FRMD4B: variants seen among roughly 807,000 people sequenced by gnomAD.
FRMD4B encodes the protein FERM domain containing 4B.
Under a neutral mutation model 141.5 loss-of-function variants are expected in FRMD4B, and 74 were observed. That is an observed-to-expected ratio of 0.52 (90% CI 0.43 to 0.63). The LOEUF is 0.63. Among genes scored for constraint, FRMD4B ranks in the 30% least tolerant of loss-of-function variants. The probability of loss-of-function intolerance (pLI) is 0.00; values close to 1 mark genes in which losing one functional copy is unlikely to be tolerated. For synonymous variants in FRMD4B, 506 were observed against 467.9 expected, an observed-to-expected ratio of 1.08 and a Z score of -1.05; for missense variants, 1,366 against 1,253.4, an observed-to-expected ratio of 1.09 and a Z score of -1.36.
At chr3:69,455,489 C>CGCGA (rs1471216850) in intron 1 of FRMD4B, among the ~76,000 whole-genome samples, 1 of 152,180 alleles carries the variant, frequency 6.6e-6, no homozygotes, top group Non-Finnish European at 1.5e-5. Flanking sequence ...GTAAGGCTCA[C>CGCGA]CGTGAAGGTC....
At chr3:69,362,235 A>G (rs1703490931) in intron 1 of FRMD4B, among the ~76,000 whole-genome samples, 1 of 152,156 alleles carries the variant, frequency 6.6e-6, no homozygotes, top group Admixed American at 6.6e-5. Flanking sequence ...TATTATCTCC[A>G]TTTTACAGAT....
chr3:69,245,347 G>GTTTT (rs1488467550), intron 7 of FRMD4B, among the ~76,000 whole-genome samples: 3 of 150,786 alleles, frequency 2.0e-5, no homozygotes, highest in African/African-American at 7.4e-5. Flanking sequence ...GTGTGTGTGT[G>GTTTT]TGTGTGTTTT....
chr3:69,347,708 T>C (rs1478298179), intron 1 of FRMD4B, among the ~76,000 whole-genome samples: 5 of 152,314 alleles, frequency 3.3e-5, no homozygotes, highest in Non-Finnish European at 7.3e-5. Flanking sequence ...ATATGGAAAC[T>C]GAACAACCTG....
chr3:69,203,452 T>C (rs2092992403), intron 11 of FRMD4B, among the ~76,000 whole-genome samples: 1 of 152,164 alleles, frequency 6.6e-6, no homozygotes, highest in Non-Finnish European at 1.5e-5. Flanking sequence ...CATTTATCCA[T>C]TTCTTTTCCA....
At chr3:69,433,014 C>T (rs968881942) in intron 1 of FRMD4B, 47 of 152,184 alleles carry the variant, frequency 3.1e-4, no homozygotes, top group African/African-American at 1.1e-3. Flanking sequence ...GGATGCATGT[C>T]ACTGAATACA....
At chr3:69,251,964 C>T (rs1332439524) in intron 5 of FRMD4B, among the ~76,000 whole-genome samples, 1 of 152,094 alleles carries the variant, frequency 6.6e-6, no homozygotes, top group African/African-American at 2.4e-5. Flanking sequence ...GGCAGGAACT[C>T]AAAGTTAAAG....
At chr3:69,413,739 C>A (rs6795689) in intron 2 of FRMD4B, among the ~76,000 whole-genome samples, 46,166 of 151,950 alleles carry the variant, frequency 0.3, 7,256 homozygotes, top group East Asian at 0.44. Context: ...ATTCACCACA[C>A]GTCCAAAAGA....
rs58551547 is a variant in FRMD4B at position 69,232,914 on chromosome 3, GTTTTTT to G, written c.582-8230_582-8225del. Among the ~76,000 whole-genome samples, 9 of 128,804 alleles carry G rather than the reference GTTTTTT, an allele frequency of 7.0e-5. No homozygotes were observed. The East Asian group carries it at 1.5e-3, about 21-fold the overall frequency. 84.5% of individuals were successfully genotyped at this position (128,804 alleles called of 152,430 possible). A position where few individuals can be genotyped will look rare whatever the true frequency, so the allele number is the denominator to read the frequency against. ...GTTGCAAATTTCACTTTTGTTGTTTGTTTTTTTTTTTTTTTTTGGTAGGGATGAGGT... is the reference window on the plus strand; with the variant it reads ...GTTGCAAATTTCACTTTTGTTGTTTGTTTTTTTTTTTGGTAGGGATGAGGT... On this transcript the variant is annotated intron_variant, in intron 7 of 22. Transcript: ENST00000398540.
At chr3:69,421,180 A>G (rs889959370) in intron 2 of FRMD4B, among the ~76,000 whole-genome samples, 1 of 152,226 alleles carries the variant, frequency 6.6e-6, no homozygotes, top group African/African-American at 2.4e-5. Flanking sequence ...CCACCCTCAC[A>G]CAGCCCCAGA....
In FRMD4B at chr3:69,423,398, T is replaced by A. The variant is rs923359703; in HGVS notation, c.-1+9236A>T. On this transcript the variant is annotated intron_variant, in intron 2 of 5. Transcript: ENST00000459638. ...GTCACCCAATGCTCCTGTTCTCAGCTGAGATATAACAAAATAAAGCGCTGC... is the reference window on the plus strand; with the variant it reads ...GTCACCCAATGCTCCTGTTCTCAGCAGAGATATAACAAAATAAAGCGCTGC... Among the ~76,000 whole-genome samples, 3 of 152,308 alleles carry A rather than the reference T, an allele frequency of 2.0e-5. No individual in the cohort carries two copies. The East Asian group carries it at 5.8e-4, about 29-fold the overall frequency.
intron 2 of FRMD4B, among the ~76,000 whole-genome samples, chr3:69,426,510 G>A (rs779041898): frequency 1.3e-5 from 2 of 152,182 alleles, no homozygotes; most frequent in Non-Finnish European, 2.9e-5. Context: ...GAAGTATTGT[G>A]AGACCCGTTC....
rs2092719785 is a variant in FRMD4B, at chr3:69,182,628, G to T, written c.2009C>A (p.Thr670Asn). 2.5e-6 allele frequency: 4 copies of T among 1,613,312 alleles called. No homozygotes were observed. Among genetic ancestry groups the T allele is most frequent in the Non-Finnish European group, 3.4e-6 (4 of 1,179,712 alleles). The part of the protein sequence containing the change: ...GRSMPTTPVL[T>N]RNAYSSSHLE... ...GTGGCTGCTGCTGTAGGCGTTTCGG[G>T]TAAGAACTGGCGTGGTGGGCATGCT... The change falls in exon 20 of 23, where the codon ACC becomes AAC. Residue 670 changes from threonine (T) to asparagine (N), a missense_variant. Coordinates refer to ENST00000398540, the MANE Select transcript of FRMD4B (RefSeq NM_015123.3).
At chr3:69,231,927 G>A (rs1344360521) in intron 7 of FRMD4B, among the ~76,000 whole-genome samples, 2 of 152,172 alleles carry the variant, frequency 1.3e-5, no homozygotes, top group South Asian at 2.1e-4. Context: ...TCACCCTCCC[G>A]GGGAATCTGT....
At chr3:69,328,950 C>T (rs1308542907) in intron 1 of FRMD4B, among the ~76,000 whole-genome samples, 1 of 152,058 alleles carries the variant, frequency 6.6e-6, no homozygotes, top group East Asian at 1.9e-4. Flanking sequence ...ATGGAGTGGC[C>T]ATTCTTTTGT....
At chr3:69,262,755 C>T (rs192802696) in intron 5 of FRMD4B, among the ~76,000 whole-genome samples, 358 of 151,318 alleles carry the variant, frequency 2.4e-3, no homozygotes, top group Non-Finnish European at 4.3e-3. Context: ...CCACCGCGCC[C>T]GGTCCACAAA....
upstream of FRMD4B, among the ~76,000 whole-genome samples, chr3:69,390,057 G>C (rs1307964294): frequency 6.6e-6 from 1 of 152,148 alleles, no homozygotes; most frequent in Non-Finnish European, 1.5e-5. Context: ...GAGTTGTGCT[G>C]TCGTAAAAGA....
intron 1 of FRMD4B, among the ~76,000 whole-genome samples, chr3:69,348,233 A>G (rs1703015071): frequency 6.6e-6 from 1 of 152,220 alleles, no homozygotes; most frequent in African/African-American, 2.4e-5. Flanking sequence ...GAAAATCTAG[A>G]AGAAATGGAT....
intron 1 of FRMD4B, among the ~76,000 whole-genome samples, chr3:69,327,085 T>C (rs1702213405): frequency 6.6e-6 from 1 of 152,176 alleles, no homozygotes; most frequent in African/African-American, 2.4e-5. Context: ...TTCATTTTCA[T>C]CTGCAGTTCA....
Position 69,363,632 on chromosome 3 carries a change from G to A in FRMD4B, c.162+22196C>T, listed in dbSNP as rs144415161. 2.7e-3 allele frequency among the ~76,000 whole-genome samples: 413 copies of A among 151,322 alleles called. 3 individuals carry two copies. In the East Asian group the frequency reaches 0.032, roughly 12 times the overall value. On this transcript the variant is annotated intron_variant, in intron 1 of 22. Coordinates refer to ENST00000398540, the MANE Select transcript of FRMD4B (RefSeq NM_015123.3). ...TCTCAATCTCCTGACCTCGTGATCC[G>A]CCTGCCTTGGCCTCCCAAAGTGCTA... is the stretch of plus-strand genomic sequence containing the variant.
Sources: gnomAD v4.1 joint callset for allele counts (sites outside exome capture counted in the v4.1 genomes callset) on GRCh38, gnomAD v4.1.1 for gene constraint, MANE v1.5 for transcripts, NCBI Gene and HGNC (gene_info 2026-07-23, HGNC 2026-07-21) for gene names.